Variants in TF observed in about 807,000 individuals in gnomAD.
The protein encoded by TF is transferrin, also known as serotransferrin.
A neutral mutation model predicts 82.4 loss-of-function variants in TF; 55 were observed. That is an observed-to-expected ratio of 0.67 (90% confidence interval 0.54 to 0.84). The LOEUF (loss-of-function observed/expected upper bound fraction) is 0.84. TF is among the 40% of genes least tolerant of loss of function. The pLI is 0.00. For missense variants in TF, 737 were observed against 868.4 expected (o/e 0.85, Z 1.90); for synonymous variants, 332 against 332.6 (o/e 1.00, Z 0.02).
the TF span, among the ~76,000 whole-genome samples, chr3:133,725,779 T>C: frequency 3.3e-5 from 5 of 152,190 alleles, no homozygotes; most frequent in African/African-American, 7.2e-5. Context: ...TTCAGTATGA[T>C]ATTGGCTGTG....
chr3:133,692,775 T>C, the TF span: 1 of 152,482 alleles, frequency 6.6e-6, no homozygotes, highest in South Asian at 2.1e-4. Context: ...CCTTTGCAGA[T>C]CCACAAACCC....
At chr3:133,741,231 A>T (rs376896269), upstream of TF, among the ~76,000 whole-genome samples, 4 of 152,046 alleles carry the variant, frequency 2.6e-5, no homozygotes, top group East Asian at 5.8e-4. Flanking sequence ...ACCTCAGGTG[A>T]TGCTGCCTGC....
Position 133,778,657 on chromosome 3 carries a change from G to A in TF, c.*37G>A. 6.2e-7 allele frequency: 1 copy of A among 1,611,220 alleles called. No individual in the cohort carries two copies. ...TAGGGCTGCCACCAAGGTGAAGATG[G>A]GAACGCAGATGATCCATGAGTTTGC... On this transcript the variant is annotated 3_prime_UTR_variant, in exon 17 of 17. Coordinates refer to ENST00000402696, the MANE Select transcript of TF (RefSeq NM_001063.4).
the TF span, among the ~76,000 whole-genome samples, chr3:133,670,144 A>G: frequency 6.6e-6 from 1 of 152,214 alleles, no homozygotes; most frequent in East Asian, 1.9e-4. Flanking sequence ...CCTAGTTTGA[A>G]TGCCAGCTTG....
chr3:133,693,365 G>C, the TF span, among the ~76,000 whole-genome samples: 1 of 152,216 alleles, frequency 6.6e-6, no homozygotes, highest in Non-Finnish European at 1.5e-5. Flanking sequence ...TGTTCTCCAG[G>C]CTCCCTGTTC....
chr3:133,758,796 G>T (rs1400446580), intron 8 of TF, among the ~76,000 whole-genome samples: 3 of 152,090 alleles, frequency 2.0e-5, no homozygotes, highest in Non-Finnish European at 4.4e-5. Context: ...AGACAGGCAG[G>T]GCCCTTTCTG....
chr3:133,719,074 T>TTCTTAAAAAGAATGTACCTTGAA, the TF span, among the ~76,000 whole-genome samples: 4 of 152,196 alleles, frequency 2.6e-5, no homozygotes, highest in Non-Finnish European at 5.9e-5. Context: ...GTGCTCAGCA[T>TTCTTAAAAAGAATGTACCTTGAA]TCTTAAAAAG....
At chr3:133,695,390 G>T in the TF span, among the ~76,000 whole-genome samples, 1 of 151,916 alleles carries the variant, frequency 6.6e-6, no homozygotes, top group South Asian at 2.1e-4. Context: ...TGGGACTACA[G>T]GCACATGCCA....
the TF span, among the ~76,000 whole-genome samples, chr3:133,728,835 G>T: frequency 6.6e-6 from 1 of 152,160 alleles, no homozygotes; most frequent in Non-Finnish European, 1.5e-5. Context: ...GGTTTTTGGT[G>T]TGGATGGCCT....
At chr3:133,701,537 G>A in the TF span, among the ~76,000 whole-genome samples, 1 of 152,208 alleles carries the variant, frequency 6.6e-6, no homozygotes, top group South Asian at 2.1e-4. Context: ...ATATGGTGGT[G>A]AGCAAAGACA....
At chr3:133,746,544 G>T (rs1295712432) in intron 1 of TF, 61 bp downstream of exon 1, 2 of 1,541,718 alleles carry the variant, frequency 1.3e-6, no homozygotes, top group Non-Finnish European at 1.7e-6. Context: ...CTGCAACCCG[G>T]GCGGCCACCG....
At chr3:133,777,758 C>T (rs1934430412) in intron 16 of TF, 1 of 161,370 alleles carries the variant, frequency 6.2e-6, no homozygotes. Context: ...CTCTAGACAG[C>T]TTCAACAATG....
chr3:133,682,726 C>T, the TF span, among the ~76,000 whole-genome samples: 2 of 145,884 alleles, frequency 1.4e-5, no homozygotes, highest in Non-Finnish European at 3.0e-5. Context: ...ACAAAATCTA[C>T]GTCTGATTGG....
the TF span, among the ~76,000 whole-genome samples, chr3:133,735,152 T>G: frequency 6.6e-6 from 1 of 151,736 alleles, no homozygotes; most frequent in South Asian, 2.1e-4. Context: ...ACCAGCTTGG[T>G]CAAGATGGTG....
intron 13 of TF, among the ~76,000 whole-genome samples, chr3:133,769,226 T>C (rs1934201603): frequency 6.6e-6 from 1 of 152,230 alleles, no homozygotes; most frequent in Non-Finnish European, 1.5e-5. Context: ...ACAAAGGTCA[T>C]TCCTATTTTC....
At chr3:133,692,137 G>A in the TF span, among the ~76,000 whole-genome samples, 1 of 152,232 alleles carries the variant, frequency 6.6e-6, no homozygotes, top group Non-Finnish European at 1.5e-5. Flanking sequence ...ACCCATGGGA[G>A]GCCCCTCTCT....
the TF span, among the ~76,000 whole-genome samples, chr3:133,682,206 C>G: frequency 6.6e-6 from 1 of 152,124 alleles, no homozygotes; most frequent in African/African-American, 2.4e-5. Flanking sequence ...CTGTACGTCA[C>G]CATCATCAAA....
At chr3:133,679,185 T>G in the TF span, among the ~76,000 whole-genome samples, 1 of 152,122 alleles carries the variant, frequency 6.6e-6, no homozygotes. Context: ...CAGCTAACTT[T>G]TAATTTTTTA....
rs1194770144 is a variant in TF at position 133,783,342 on chromosome 3, G to A, written c.*4722G>A. 6.6e-6 allele frequency: 1 copy of A among 152,166 alleles called. No individual in the cohort carries two copies. Among genetic ancestry groups the A allele is most frequent in the Non-Finnish European group, 1.5e-5 (1 of 68,038 alleles). The allele number at this position is 152,166 out of a possible 1,614,324, so 9.4% of individuals were successfully genotyped here. A position where few individuals can be genotyped will look rare whatever the true frequency, so the allele number is the denominator to read the frequency against. ...CATGATAAAGCTGGCATTATACTCGGGGGGGACAGATAGGCTACTCACTGA... is the reference window on the plus strand; with the variant it reads ...CATGATAAAGCTGGCATTATACTCGAGGGGGACAGATAGGCTACTCACTGA... On this transcript the variant is annotated 3_prime_UTR_variant, in exon 17 of 17. Transcript: ENST00000402696.
Sources: allele counts gnomAD v4.1 joint callset (sites outside exome capture counted in the v4.1 genomes callset), GRCh38; gene constraint gnomAD v4.1.1; transcripts MANE v1.5; gene names NCBI Gene and HGNC (gene_info 2026-07-23, HGNC 2026-07-21).